WDR7: variants seen among roughly 807,000 people sequenced by gnomAD.
The protein encoded by WDR7 is WD repeat-containing protein 7.
A neutral mutation model predicts 169.4 loss-of-function variants in WDR7; 46 were observed. That is an observed-to-expected ratio of 0.27 (90% CI 0.21 to 0.35). The LOEUF (loss-of-function observed/expected upper bound fraction) is 0.35. WDR7 is among the 10% of genes least tolerant of loss of function. The pLI is 1.00. For synonymous variants in WDR7, 612 were observed against 666.8 expected (o/e 0.92, Z 1.27); for missense variants, 1,534 against 1,859.3 (o/e 0.83, Z 3.22).
intron 20 of WDR7, among the ~76,000 whole-genome samples, chr18:56,845,783 T>C (rs901917713): frequency 2.6e-5 from 4 of 152,204 alleles, no homozygotes; most frequent in Non-Finnish European, 5.9e-5. Flanking sequence ...TATAAGTTTC[T>C]TTCTAAAAAA....
At chr18:56,831,867 T>C (rs528319043) in intron 20 of WDR7, among the ~76,000 whole-genome samples, 1 of 152,262 alleles carries the variant, frequency 6.6e-6, no homozygotes, top group South Asian at 2.1e-4. Context: ...CTCGTGTGCC[T>C]ACACCACCAG....
At chr18:56,665,306 A>AAGAAG (rs10688820) in intron 1 of WDR7, among the ~76,000 whole-genome samples, 57 of 133,370 alleles carry the variant, frequency 4.3e-4, no homozygotes, top group Admixed American at 1.7e-3. Flanking sequence ...AAAAAAAAAA[A>AAGAAG]AAGAAGAAGA....
intron 19 of WDR7, among the ~76,000 whole-genome samples, chr18:56,791,429 A>T (rs1599046503): frequency 6.6e-6 from 1 of 152,272 alleles, no homozygotes; most frequent in Non-Finnish European, 1.5e-5. Context: ...TATATCTTGG[A>T]TATGAAGTAG....
intron 12 of WDR7, among the ~76,000 whole-genome samples, chr18:56,710,450 C>T (rs1439539085): frequency 6.6e-6 from 1 of 152,082 alleles, no homozygotes; most frequent in Non-Finnish European, 1.5e-5. Context: ...TTTGCTTATT[C>T]ATGAAAGTAA....
At position 56,779,500 on chromosome 18, in the gene WDR7, C is replaced by T; in HGVS notation, c.3017C>T (p.Pro1006Leu). ...CTACTGGGATTGGATAAATTTAGGCCTCCCCTTCTGGAGATGCTGGCCCGA... is the reference window on the plus strand; with the variant it reads ...CTACTGGGATTGGATAAATTTAGGCTTCCCCTTCTGGAGATGCTGGCCCGA... ...PDLLGLDKFR[P>L]PLLEMLARRW... Residue 1006 changes from proline (P) to leucine (L), a missense_variant, in exon 18 of 28, where the codon CCT (proline) becomes CTT (leucine). Coordinates refer to ENST00000254442, the MANE Select transcript of WDR7 (RefSeq NM_015285.3). 1 of 1,613,966 alleles carries T rather than the reference C, an allele frequency of 6.2e-7. No homozygotes were observed. Among genetic ancestry groups the T allele is most frequent in the Non-Finnish European group, 8.5e-7 (1 of 1,179,914 alleles).
chr18:56,760,932 CAT>C (rs1568180042), intron 16 of WDR7, among the ~76,000 whole-genome samples: 1 of 152,158 alleles, frequency 6.6e-6, no homozygotes, highest in African/African-American at 2.4e-5. Flanking sequence ...AATAGTGTCT[CAT>C]ATGTTTAATT....
chr18:56,685,918 C>T (rs1326922496), intron 5 of WDR7, 38 bp from the exon 6 acceptor site: 14 of 1,527,814 alleles, frequency 9.2e-6, no homozygotes, highest in South Asian at 2.4e-5. Context: ...GTATTATGTT[C>T]GTAACCTGGG....
intron 1 of WDR7, among the ~76,000 whole-genome samples, chr18:56,661,408 T>G (rs771375046): frequency 6.6e-6 from 1 of 152,182 alleles, no homozygotes; most frequent in Non-Finnish European, 1.5e-5. Flanking sequence ...AAAACATGAT[T>G]TATATGCCTC....
At chr18:56,972,051 G>A (rs2047496233) in intron 26 of WDR7, among the ~76,000 whole-genome samples, 1 of 152,108 alleles carries the variant, frequency 6.6e-6, no homozygotes, top group Admixed American at 6.5e-5. Context: ...TATATTTTGG[G>A]GGAAAGGGGA....
intron 26 of WDR7, among the ~76,000 whole-genome samples, chr18:56,982,198 A>G (rs2145833230): frequency 6.6e-6 from 1 of 152,326 alleles, no homozygotes; most frequent in Admixed American, 6.5e-5. Context: ...GACTTTAAAT[A>G]GGGCCACTTG....
At chr18:56,946,510 T>C (rs2047105166) in intron 25 of WDR7, among the ~76,000 whole-genome samples, 1 of 152,242 alleles carries the variant, frequency 6.6e-6, no homozygotes, top group African/African-American at 2.4e-5. Flanking sequence ...TTTTAAAATT[T>C]GCCTTGGGCA....
At chr18:56,873,624 G>A (rs1033511795) in intron 20 of WDR7, 1 of 152,316 alleles carries the variant, frequency 6.6e-6, no homozygotes, top group Middle Eastern at 3.4e-3. Flanking sequence ...GAACGGCTGG[G>A]GTCAATGCCT....
chr18:56,659,208 A>T (rs1015921806), intron 1 of WDR7, among the ~76,000 whole-genome samples: 3 of 152,086 alleles, frequency 2.0e-5, no homozygotes, highest in African/African-American at 7.2e-5. Context: ...TGTTAATGAC[A>T]TTTTGATTAA....
At chr18:56,800,684 G>A (rs896791983) in intron 19 of WDR7, among the ~76,000 whole-genome samples, 11 of 152,136 alleles carry the variant, frequency 7.2e-5, no homozygotes, top group African/African-American at 2.7e-4. Context: ...TTATAATGCC[G>A]GTTCATTGCT....
intron 14 of WDR7, among the ~76,000 whole-genome samples, chr18:56,745,527 A>T (rs1249750538): frequency 6.6e-6 from 1 of 152,158 alleles, no homozygotes; most frequent in Non-Finnish European, 1.5e-5. Context: ...TTGCATACAC[A>T]GTTCACAATA....
rs182758628 is a variant in WDR7 at position 57,006,391 on chromosome 18, T to C, written c.4165-14354T>C. Reference sequence around the variant, plus strand: ...TAGTGCAACAAGTGGGCTTGTGTTATTGATTTTCACCTGTATTACCACAAC... The same window carrying C: ...TAGTGCAACAAGTGGGCTTGTGTTACTGATTTTCACCTGTATTACCACAAC... On this transcript the variant is annotated intron_variant, in intron 26 of 27. Coordinates refer to ENST00000254442, the MANE Select transcript of WDR7 (RefSeq NM_015285.3). 1.6e-3 allele frequency among the ~76,000 whole-genome samples: 248 copies of C among 152,282 alleles called. 2 individuals are homozygous for C. Among genetic ancestry groups the C allele is most frequent in the Middle Eastern group, 6.8e-3 (2 of 294 alleles).
rs778386635 is a variant in WDR7 at position 57,020,855 on chromosome 18, A to G, written c.4269+6A>G. On this transcript the variant is annotated splice_donor_region_variant and intron_variant, in intron 27 of 27. Coordinates refer to ENST00000254442, the MANE Select transcript of WDR7 (RefSeq NM_015285.3). ...GCCACATTTCTTTTTGGCAGGTAAG[A>G]GTAGATGCTCCAGGGTCTTAAAGCA... 2 of 1,613,772 alleles carry G rather than the reference A, an allele frequency of 1.2e-6. No individual in the cohort carries two copies. The highest frequency in any genetic ancestry group is 2.7e-5 in the African/African-American group (2 of 75,050).
rs1258508729 is a variant in WDR7, at chr18:56,783,620, A to C, written c.3190+1964A>C. On this transcript the variant is annotated intron_variant, in intron 19 of 27. Coordinates refer to ENST00000254442, the MANE Select transcript of WDR7 (RefSeq NM_015285.3). ...TCGTGTGAAGTAGGGAAATTGATTA[A>C]AGTAGAATAACTAGCTGGCAGGCTA... 3.9e-5 allele frequency among the ~76,000 whole-genome samples: 6 copies of C among 152,174 alleles called. No homozygotes were observed. The East Asian group carries it at 1.2e-3, about 29-fold the overall frequency.
intron 20 of WDR7, among the ~76,000 whole-genome samples, chr18:56,819,483 G>A (rs1483547502): frequency 6.6e-6 from 1 of 152,082 alleles, no homozygotes; most frequent in Non-Finnish European, 1.5e-5. Context: ...TTTACTTAGC[G>A]TTCTGTCTTG....
Sources: gnomAD v4.1 joint callset for allele counts (sites outside exome capture counted in the v4.1 genomes callset) on GRCh38, gnomAD v4.1.1 for gene constraint, MANE v1.5 for transcripts, NCBI Gene and HGNC (gene_info 2026-07-23, HGNC 2026-07-21) for gene names.